Variants in LYZL2 observed in about 807,000 individuals in gnomAD.
The protein encoded by LYZL2 is lysozyme like 2.
In LYZL2, 13 loss-of-function variants were observed where a neutral mutation model predicts 17.1. That is an observed-to-expected ratio of 0.76 (90% CI 0.49 to 1.21). The LOEUF (loss-of-function observed/expected upper bound fraction) is 1.21. Ranked by LOEUF, LYZL2 falls within the 50% of genes most tolerant of loss-of-function variation. LYZL2 has a pLI of 0.00. For missense variants in LYZL2, 166 were observed against 189.2 expected (o/e 0.88, Z 0.72); for synonymous variants, 63 against 74.4 (o/e 0.85, Z 0.79).
chr10:30,610,539 G>A (rs1028127038), downstream of LYZL2, among the ~76,000 whole-genome samples: 1 of 152,108 alleles, frequency 6.6e-6, no homozygotes, highest in Non-Finnish European at 1.5e-5. Flanking sequence ...ACTGGGGCCT[G>A]TTGAGGGGGT....
chr10:30,612,975 T>G (rs1838468757), intron 3 of LYZL2, 75 bp from the exon 4 acceptor site: 1 of 1,140,950 alleles, frequency 8.8e-7, no homozygotes, highest in Non-Finnish European at 1.3e-6. Context: ...GTTTACTTCA[T>G]TTTTCTCAGT....
chr10:30,619,462 T>C (rs1838585316), intron 3 of LYZL2, among the ~76,000 whole-genome samples: 1 of 151,912 alleles, frequency 6.6e-6, no homozygotes, highest in Admixed American at 6.6e-5. Flanking sequence ...ATTAAGAAAA[T>C]GTGGCACATA....
rs140215273 is a variant in LYZL2 at position 30,629,649 on chromosome 10, G to C, written c.-82C>G. 2.0e-5 allele frequency: 32 copies of C among 1,614,190 alleles called. No individual in the cohort carries two copies. In the African/African-American group the frequency reaches 3.1e-4, roughly 15 times the overall value. ...AGGCTGACTTCTCAGTTGAGTCTGCGGAAGAAACACTGCTCCACTTAGTCG... is the reference window on the plus strand; with the variant it reads ...AGGCTGACTTCTCAGTTGAGTCTGCCGAAGAAACACTGCTCCACTTAGTCG... On this transcript the variant is annotated 5_prime_UTR_variant, in exon 1 of 5. Transcript: ENST00000647634.
intron 2 of LYZL2, among the ~76,000 whole-genome samples, 153 bp from the exon 3 acceptor site, chr10:30,626,416 A>G (rs994406989): frequency 4.6e-5 from 7 of 152,328 alleles, no homozygotes; most frequent in African/African-American, 1.7e-4. Context: ...CAGGGGGCAC[A>G]CGAGGGGCAC....
At chr10:30,624,311 A>G (rs1309097893) in intron 3 of LYZL2, among the ~76,000 whole-genome samples, 1 of 152,234 alleles carries the variant, frequency 6.6e-6, no homozygotes, top group Non-Finnish European at 1.5e-5. Flanking sequence ...TGAGGTTGGC[A>G]TATACATATA....
At chr10:30,607,655 A>C (rs1191017515), downstream of LYZL2, among the ~76,000 whole-genome samples, 1 of 152,164 alleles carries the variant, frequency 6.6e-6, no homozygotes, top group African/African-American at 2.4e-5. Context: ...AGTGCTGTGA[A>C]GCTGCCTTCC....
intron 3 of LYZL2, among the ~76,000 whole-genome samples, chr10:30,617,729 G>T (rs1170778178): frequency 2.3e-4 from 25 of 109,462 alleles, no homozygotes; most frequent in Admixed American, 2.0e-3. Context: ...GAAAAGAAAA[G>T]AAAAAACTGG....
intron 3 of LYZL2, among the ~76,000 whole-genome samples, chr10:30,614,986 T>TCA (rs1838504282): frequency 6.6e-6 from 1 of 152,202 alleles, no homozygotes; most frequent in Admixed American, 6.5e-5. Context: ...TAAAGAGCTG[T>TCA]TTGAATTATG....
At chr10:30,617,325 T>G (rs1017676160) in intron 3 of LYZL2, among the ~76,000 whole-genome samples, 2 of 152,152 alleles carry the variant, frequency 1.3e-5, no homozygotes, top group African/African-American at 4.8e-5. Flanking sequence ...TTAGAGCATT[T>G]TGTTGCACAA....
chr10:30,611,597 A>AAG (rs1311113872), downstream of LYZL2, among the ~76,000 whole-genome samples: 1 of 122,022 alleles, frequency 8.2e-6, no homozygotes, highest in African/African-American at 3.4e-5. Context: ...GAAAGAAAGA[A>AAG]AGAAAGAAAG....
chr10:30,629,730 A>T lies in LYZL2; in HGVS notation c.-163T>A. The T allele has an allele frequency of 6.3e-7, 1 of 1,598,048 alleles. No individual in the cohort carries two copies. On this transcript the variant is annotated 5_prime_UTR_variant, in exon 1 of 5. Coordinates refer to ENST00000647634, the MANE Select transcript of LYZL2 (RefSeq NM_183058.3). ...TCCCCTGAAGCCATGTCTGATTCTA[A>T]CAAGGCTCGAGTAATCCTTTCCTAG...
At chr10:30,613,342 A>G (rs1170870668) in intron 3 of LYZL2, among the ~76,000 whole-genome samples, 2 of 151,982 alleles carry the variant, frequency 1.3e-5, no homozygotes, top group Non-Finnish European at 2.9e-5. Flanking sequence ...ACAAAATGTA[A>G]AAAAAATAGC....
chr10:30,627,642 A>G (rs1257966453), intron 1 of LYZL2, among the ~76,000 whole-genome samples: 1 of 152,158 alleles, frequency 6.6e-6, no homozygotes, highest in Admixed American at 6.5e-5. Context: ...CGTACAAAAT[A>G]TGTGTTTATT....
At chr10:30,625,447 C>G (rs1838686830) in intron 3 of LYZL2, among the ~76,000 whole-genome samples, 1 of 152,022 alleles carries the variant, frequency 6.6e-6, no homozygotes, top group Non-Finnish European at 1.5e-5. Flanking sequence ...AGAGTGAAGT[C>G]AGACAGTCAC....
At chr10:30,627,670 G>A (rs1838735930) in intron 1 of LYZL2, among the ~76,000 whole-genome samples, 1 of 152,060 alleles carries the variant, frequency 6.6e-6, no homozygotes, top group Non-Finnish European at 1.5e-5. Flanking sequence ...CATGTTATTG[G>A]TAAGGCTTCC....
intron 3 of LYZL2, among the ~76,000 whole-genome samples, chr10:30,623,891 T>C (rs1838662375): frequency 6.6e-6 from 1 of 152,124 alleles, no homozygotes; most frequent in East Asian, 1.9e-4. Context: ...GCCAAAAAGG[T>C]TGGGGACCAC....
At chr10:30,627,858 A>G (rs1487798185) in intron 1 of LYZL2, among the ~76,000 whole-genome samples, 1 of 152,166 alleles carries the variant, frequency 6.6e-6, no homozygotes, top group Admixed American at 6.5e-5. Flanking sequence ...TGAATGGAAA[A>G]CTTTAAGATT....
chr10:30,613,000 A>G (rs1406503169), intron 3 of LYZL2, 100 bp from the exon 4 acceptor site: 2 of 847,554 alleles, frequency 2.4e-6, no homozygotes, highest in Non-Finnish European at 3.9e-6. Context: ...TTGGGATGGG[A>G]AGGTTGGAAG....
chr10:30,611,687 G>GGAAAGAAAGAAAGAAAAA (rs1554784993), downstream of LYZL2: 137 of 256,338 alleles, frequency 5.3e-4, no homozygotes, highest in African/African-American at 7.8e-3. Flanking sequence ...AAGGAAGGAA[G>GGAAAGAAAGAAAGAAAAA]GAAAGAAAGA....
Sources: gnomAD v4.1 joint callset for allele counts (sites outside exome capture counted in the v4.1 genomes callset) on GRCh38, gnomAD v4.1.1 for gene constraint, MANE v1.5 for transcripts, NCBI Gene and HGNC (gene_info 2026-07-23, HGNC 2026-07-21) for gene names.